Variants in RUSF1 observed in about 807,000 individuals in gnomAD.
RUSF1 encodes the protein RUS family member 1, also known as RUS1 family protein C16orf58.
Under a neutral mutation model 63.0 loss-of-function variants are expected in RUSF1, and 58 were observed. The observed-to-expected ratio is 0.92, with a 90% CI of 0.75 to 1.15. The LOEUF is 1.15. Among genes scored for constraint, RUSF1 ranks in the 50% most tolerant of loss-of-function variants. The probability of loss-of-function intolerance (pLI) is 0.00; values close to 1 mark genes in which losing one functional copy is unlikely to be tolerated. For synonymous variants in RUSF1, 274 were observed against 255.8 expected, an observed-to-expected ratio of 1.07 and a Z score of -0.68; for missense variants, 652 against 611.0, an observed-to-expected ratio of 1.07 and a Z score of -0.71.
rs1303201782 is a variant in RUSF1 at position 31,489,840 on chromosome 16, C to T, written c.*995G>A. The T allele has an allele frequency of 8.0e-6, 4 of 501,712 alleles. No individual in the cohort carries two copies. Among genetic ancestry groups the T allele is most frequent in the Non-Finnish European group, 1.5e-5 (4 of 273,520 alleles). The allele number at this position is 501,712 out of a possible 1,614,324, so 31.1% of individuals were successfully genotyped here. On this transcript the variant is annotated 3_prime_UTR_variant, in exon 13 of 13. Transcript: ENST00000327237. Reference sequence around the variant, plus strand: ...GCCAGGCCAGTGTCACAAGCGCTACCATCTGGGTGTAGACAGACCTGAGCT... The same window carrying T: ...GCCAGGCCAGTGTCACAAGCGCTACTATCTGGGTGTAGACAGACCTGAGCT...
chr16:31,490,411 A>C lies in RUSF1; in HGVS notation c.*424T>G, dbSNP rs753477563. On this transcript the variant is annotated 3_prime_UTR_variant, in exon 13 of 13. Coordinates refer to ENST00000327237, the MANE Select transcript of RUSF1 (RefSeq NM_022744.4). ...AGTCCTCCGCCCCTTACCCAGGAGG[A>C]GGCAGCGGCAGCAGCCAGGCGGCTG... is the stretch of plus-strand genomic sequence containing the variant. 3.0e-5 allele frequency: 48 copies of C among 1,613,520 alleles called. No homozygotes were observed. The highest frequency in any genetic ancestry group is 5.5e-5 in the South Asian group (5 of 90,970).
intron 2 of RUSF1, among the ~76,000 whole-genome samples, chr16:31,505,512 C>T (rs2082654439): frequency 6.6e-6 from 1 of 152,068 alleles, no homozygotes; most frequent in South Asian, 2.1e-4. Context: ...GAGAAATACC[C>T]ACAGTGTGGA....
At chr16:31,505,601 A>G (rs1454599766) in intron 2 of RUSF1, among the ~76,000 whole-genome samples, 2 of 152,140 alleles carry the variant, frequency 1.3e-5, no homozygotes, top group Non-Finnish European at 2.9e-5. Flanking sequence ...ACCACTACAG[A>G]AAAAGTGCCT....
chr16:31,500,949 A>G (rs1177005555), intron 2 of RUSF1, among the ~76,000 whole-genome samples: 1 of 152,194 alleles, frequency 6.6e-6, no homozygotes, highest in Non-Finnish European at 1.5e-5. Flanking sequence ...TGGACAAGAA[A>G]TGTTCTTTGC....
At chr16:31,493,172 C>G (rs1432030941) in intron 9 of RUSF1, 124 bp from the exon 10 acceptor site, 1 of 1,048,774 alleles carries the variant, frequency 9.5e-7, no homozygotes. Flanking sequence ...CCCTCGCTTC[C>G]TCTCTCCCTC....
intron 3 of RUSF1, 62 bp from the exon 4 acceptor site, chr16:31,499,587 G>A: frequency 1.3e-6 from 2 of 1,496,356 alleles, no homozygotes; most frequent in East Asian, 4.6e-5. Context: ...TATGGGCAGT[G>A]TGGGGAGTCT....
Position 31,508,301 on chromosome 16 carries a change from G to T in RUSF1, c.73C>A (p.Arg25Ser). 1.3e-6 allele frequency: 2 copies of T among 1,576,848 alleles called. No homozygotes were observed. Among genetic ancestry groups the T allele is most frequent in the Non-Finnish European group, 1.7e-6 (2 of 1,164,038 alleles). ...TGCAGGCTCCCGTCCGCGGCGGCGC[G>T]GCAGCCCCGTGCCTCCCCGGAGCCG... ...QFGSGEARGC[R>S]AAADGSLQWE... The change falls in exon 1 of 13, where the codon CGC (arginine) becomes AGC (serine). Residue 25 changes from arginine (R) to serine (S), a missense_variant. Transcript: ENST00000327237.
At chr16:31,505,863 TA>T (rs1253883892) in intron 2 of RUSF1, among the ~76,000 whole-genome samples, 1 of 152,158 alleles carries the variant, frequency 6.6e-6, no homozygotes, top group Non-Finnish European at 1.5e-5. Context: ...CTTAAAAAAA[TA>T]AAATATGGTG....
Position 31,492,032 on chromosome 16 carries a change from A to G in RUSF1, c.1286T>C (p.Met429Thr), listed in dbSNP as rs1567394315. 1 of 1,614,188 alleles carries G rather than the reference A, an allele frequency of 6.2e-7. No individual in the cohort carries two copies. Among genetic ancestry groups the G allele is most frequent in the Non-Finnish European group, 8.5e-7 (1 of 1,180,006 alleles). Residue 429 changes from methionine (M) to threonine (T), a missense_variant, in exon 12 of 13, where the codon ATG (methionine) becomes ACG (threonine). By Grantham distance (81) the Met-to-Thr change is moderately conservative (BLOSUM62 -1). Transcript: ENST00000327237. ...VVKETHEVLD[M>T]LFPKFLKGLQ... ...ACCTTTCAAGAACTTTGGGAACAGC[A>G]TGTCCAACACTTCGTGTGTCTCCTT...
At position 31,490,022 on chromosome 16, in the gene RUSF1, G is replaced by T; in HGVS notation, c.*813C>A. ...GACAGAGGTGGGTAGGGCAGGCAGT[G>T]ACGAGCTGGTGTGCAAGAGACTTTA... On this transcript the variant is annotated 3_prime_UTR_variant, in exon 13 of 13. Transcript: ENST00000327237. 1 of 1,582,922 alleles carries T rather than the reference G, an allele frequency of 6.3e-7. No individual in the cohort carries two copies. Among genetic ancestry groups the T allele is most frequent in the South Asian group, 1.1e-5 (1 of 88,448 alleles).
chr16:31,507,632 C>G, intron 2 of RUSF1, 132 bp downstream of exon 2: 1 of 797,140 alleles, frequency 1.3e-6, no homozygotes, highest in Non-Finnish European at 2.0e-6. Context: ...TACAAAGCAC[C>G]ACTCTAATCA....
At position 31,508,325 on chromosome 16, in the gene RUSF1, C is replaced by T. The variant is rs368090505; in HGVS notation, c.49G>A (p.Gly17Ser). ...CGGCAGCCCCGTGCCTCCCCGGAGC[C>T]GAACTGCTCGGAACACAGCGGGGTC... ...LETPLCSEQFGSGEARGCRAA... is the reference protein window; with the variant it reads ...LETPLCSEQFSSGEARGCRAA... Residue 17 changes from glycine to serine, a missense_variant, in exon 1 of 13, where the codon GGC becomes AGC. Gly to Ser is a moderately conservative substitution (Grantham distance 56, BLOSUM62 0). Transcript: ENST00000327237. 57 of 1,576,978 alleles carry T rather than the reference C, an allele frequency of 3.6e-5. No homozygotes were observed. In the African/African-American group the frequency reaches 3.9e-4, roughly 11 times the overall value.
chr16:31,499,606 A>G (rs778412259), intron 3 of RUSF1, 81 bp from the exon 4 acceptor site: 211 of 1,379,060 alleles, frequency 1.5e-4, no homozygotes, highest in Admixed American at 3.0e-4. Context: ...CTTGGACCAC[A>G]GTAAAGTCTG....
rs372029138 is a variant in RUSF1, at chr16:31,493,858, C to T, written c.773+8G>A. 75 of 1,614,078 alleles carry T rather than the reference C, an allele frequency of 4.6e-5. No individual in the cohort carries two copies. The highest frequency in any genetic ancestry group is 5.1e-5 in the Non-Finnish European group (60 of 1,180,032). On this transcript the variant is annotated splice_region_variant and intron_variant, in intron 7 of 12. Coordinates refer to ENST00000327237, the MANE Select transcript of RUSF1 (RefSeq NM_022744.4). ...GGGGTTCTCCTGCCCACCCTGCTTCCGGCTTACCCAGGGCAACCTGACACC... is the reference window on the plus strand; with the variant it reads ...GGGGTTCTCCTGCCCACCCTGCTTCTGGCTTACCCAGGGCAACCTGACACC...
intron 1 of RUSF1, 76 bp from the exon 2 acceptor site, chr16:31,507,954 C>A: frequency 6.5e-7 from 1 of 1,533,494 alleles, no homozygotes; most frequent in South Asian, 1.2e-5. Context: ...TGTTCTTGTT[C>A]TTGGTGTATG....
At chr16:31,492,163 G>A (rs1671522932) in intron 11 of RUSF1, 34 bp downstream of exon 11, 1 of 1,611,144 alleles carries the variant, frequency 6.2e-7, no homozygotes, top group Admixed American at 1.7e-5. Context: ...TCCCCACCCT[G>A]AGGCATCAGC....
At chr16:31,497,410 G>A (rs1351550721) in intron 5 of RUSF1, among the ~76,000 whole-genome samples, 1 of 152,116 alleles carries the variant, frequency 6.6e-6, no homozygotes, top group Non-Finnish European at 1.5e-5. Context: ...CTCCCTCTGA[G>A]ATCGCAGGAT....
At chr16:31,495,978 T>C (rs2082599897) in intron 6 of RUSF1, among the ~76,000 whole-genome samples, 1 of 152,176 alleles carries the variant, frequency 6.6e-6, no homozygotes, top group Non-Finnish European at 1.5e-5. Flanking sequence ...TCTAAATTGC[T>C]TCAGTGTCAA....
At chr16:31,507,967 G>A (rs1285022721) in intron 1 of RUSF1, 89 bp from the exon 2 acceptor site, 22 of 1,531,004 alleles carry the variant, frequency 1.4e-5, no homozygotes, top group African/African-American at 2.8e-5. Context: ...GGTGTATGAG[G>A]CATGTCAGAC....
Sources: allele counts gnomAD v4.1 joint callset (sites outside exome capture counted in the v4.1 genomes callset), GRCh38; gene constraint gnomAD v4.1.1; transcripts MANE v1.5; gene names NCBI Gene and HGNC (gene_info 2026-07-23, HGNC 2026-07-21).